Variants in SLC30A7 observed in about 807,000 individuals in gnomAD.
The protein encoded by SLC30A7 is solute carrier family 30 member 7.
Under a neutral mutation model 46.0 loss-of-function variants are expected in SLC30A7, and 35 were observed. The ratio of observed to expected loss-of-function variants is 0.76; its 90% CI spans 0.58 to 1.01. SLC30A7 has a LOEUF of 1.01. Ranked by LOEUF, SLC30A7 falls within the 50% of genes least tolerant of loss-of-function variation. The pLI is 0.00. For missense variants in SLC30A7, 464 were observed against 451.1 expected (o/e 1.03, Z -0.26); for synonymous variants, 147 against 157.8 (o/e 0.93, Z 0.51).
chr1:100,932,683 G>A (rs190373418), intron 8 of SLC30A7, among the ~76,000 whole-genome samples: 1 of 152,100 alleles, frequency 6.6e-6, no homozygotes, highest in Non-Finnish European at 1.5e-5. Context: ...AAACTTACTG[G>A]GAGTGTGTTA....
intron 8 of SLC30A7, among the ~76,000 whole-genome samples, chr1:100,953,438 TG>T (rs1655059948): frequency 1.3e-5 from 2 of 152,352 alleles, no homozygotes; most frequent in East Asian, 1.9e-4. Flanking sequence ...GCTACCTGAA[TG>T]GTAATTCATT....
In SLC30A7 at chr1:100,961,872, G is replaced by T; in HGVS notation, c.887G>T (p.Arg296Ile). The change falls in exon 9 of 11, where the codon AGA becomes ATA. Residue 296 changes from arginine to isoleucine, a missense_variant. Physicochemically the swap from Arg to Ile is moderately conservative, Grantham distance 97. Coordinates refer to ENST00000357650, the MANE Select transcript of SLC30A7 (RefSeq NM_133496.5). ...GAATCTGTTGGAATATTAATGCAGA[G>T]AACTCCTCCCCTATTAGAAAATAGT... ...LRESVGILMQ[R>I]TPPLLENSLP... 6.2e-7 allele frequency: 1 copy of T among 1,608,574 alleles called. No individual in the cohort carries two copies. Among genetic ancestry groups the T allele is most frequent in the Non-Finnish European group, 8.5e-7 (1 of 1,176,510 alleles).
chr1:100,966,541 C>T (rs1305387950), intron 10 of SLC30A7, among the ~76,000 whole-genome samples: 3 of 149,404 alleles, frequency 2.0e-5, no homozygotes, highest in East Asian at 4.1e-4. Context: ...GCCAAGATCA[C>T]GGCCACTGCA....
At chr1:100,974,181 G>A (rs954654456) in intron 10 of SLC30A7, among the ~76,000 whole-genome samples, 6 of 152,132 alleles carry the variant, frequency 3.9e-5, no homozygotes, top group African/African-American at 1.4e-4. Flanking sequence ...TGGGCTTTTA[G>A]TGCAACTATC....
chr1:100,942,024 T>C, intron 8 of SLC30A7: 1 of 232,890 alleles, frequency 4.3e-6, no homozygotes, highest in Non-Finnish European at 8.5e-6. Context: ...ATTTTAACAA[T>C]GCCTCCTTGA....
chr1:100,977,483 T>C lies in SLC30A7; in HGVS notation c.*2626T>C, dbSNP rs1656606839. 6.6e-6 allele frequency: 1 copy of C among 152,208 alleles called. No homozygotes were observed. 9.4% of individuals were successfully genotyped at this position (152,208 alleles called of 1,614,324 possible). A position where few individuals can be genotyped will look rare whatever the true frequency, so the allele number is the denominator to read the frequency against. On this transcript the variant is annotated 3_prime_UTR_variant, in exon 11 of 11. Transcript: ENST00000357650. ...GAAATATTTTGTCTTATTAGTGTTCTTGGCACATGTATATTACTAAAGTAG... is the reference window on the plus strand; with the variant it reads ...GAAATATTTTGTCTTATTAGTGTTCCTGGCACATGTATATTACTAAAGTAG...
intron 8 of SLC30A7, among the ~76,000 whole-genome samples, chr1:100,932,391 C>T (rs750315010): frequency 9.0e-4 from 137 of 151,784 alleles, no homozygotes; most frequent in Admixed American, 1.1e-3. Context: ...CTTCAGCCTG[C>T]GTGACAGAGC....
At position 100,913,711 on chromosome 1, in the gene SLC30A7, A is replaced by G. The variant is rs746034267; in HGVS notation, c.560A>G (p.His187Arg). The G allele has an allele frequency of 8.1e-6, 13 of 1,613,976 alleles. No individual in the cohort carries two copies. The highest frequency in any genetic ancestry group is 1.1e-5 in the South Asian group (1 of 91,074). ...SLFNGALDQA[H>R]GHVDHCHSHE... ...TTTAATGGTGCTCTAGATCAGGCAC[A>G]TGGCCATGTCGATCATTGCCATAGC... is the stretch of plus-strand genomic sequence containing the variant. Residue 187 changes from histidine to arginine, a missense_variant, in exon 6 of 11, where the codon CAT (histidine) becomes CGT (arginine). Physicochemically the swap from His to Arg is conservative, Grantham distance 29. Coordinates refer to ENST00000357650, the MANE Select transcript of SLC30A7 (RefSeq NM_133496.5).
rs897734771 is a variant in SLC30A7, at chr1:100,965,854, TAA to T, written c.1020_1021del (p.Leu340PhefsTer5). The T allele has an allele frequency of 1.2e-6, 2 of 1,613,846 alleles. No individual in the cohort carries two copies. The highest frequency in any genetic ancestry group is 1.7e-5 in the Admixed American group (1 of 60,000). ...GACGTTTATGTTGGGACCTTGAAAT[TAA>T]TAGTAGCACCTGATGCTGATGCTAG... is the stretch of plus-strand genomic sequence containing the variant. On this transcript the variant is annotated frameshift_variant, in exon 10 of 11. Coordinates refer to ENST00000357650, the MANE Select transcript of SLC30A7 (RefSeq NM_133496.5). LOFTEE classifies it high-confidence loss of function.
intron 2 of SLC30A7, among the ~76,000 whole-genome samples, chr1:100,900,483 C>A (rs570728699): frequency 6.6e-6 from 1 of 152,242 alleles, no homozygotes; most frequent in East Asian, 1.9e-4. Flanking sequence ...TTTCATATAT[C>A]TTAGTCTTTT....
chr1:100,904,278 C>T (rs1651500212), intron 2 of SLC30A7, among the ~76,000 whole-genome samples: 1 of 152,180 alleles, frequency 6.6e-6, no homozygotes, highest in Non-Finnish European at 1.5e-5. Context: ...GGATTTCTTT[C>T]CTCAGCTGTG....
intron 8 of SLC30A7, among the ~76,000 whole-genome samples, chr1:100,946,673 T>C (rs1654657768): frequency 6.6e-6 from 1 of 152,220 alleles, no homozygotes; most frequent in Admixed American, 6.5e-5. Context: ...GATGTGCTGC[T>C]GGATTTGGTT....
At chr1:100,906,831 A>T (rs1265282457) in intron 2 of SLC30A7, 21 bp from the exon 3 acceptor site, 3 of 1,506,780 alleles carry the variant, frequency 2.0e-6, no homozygotes, top group Non-Finnish European at 2.8e-6. Context: ...ATAATTTGTC[A>T]ATGTGTTTGT....
At chr1:100,954,290 A>T (rs773326840) in intron 8 of SLC30A7, among the ~76,000 whole-genome samples, 21 of 152,216 alleles carry the variant, frequency 1.4e-4, no homozygotes, top group Non-Finnish European at 2.5e-4. Flanking sequence ...TTACCTATGT[A>T]TAACAAAGAA....
At chr1:100,987,879 C>T in the SLC30A7 span, among the ~76,000 whole-genome samples, 2 of 152,108 alleles carry the variant, frequency 1.3e-5, no homozygotes, top group Non-Finnish European at 2.9e-5. Flanking sequence ...TTAGTTTTAG[C>T]ATAAATCTTT....
chr1:100,905,454 ACT>A (rs1449159457), intron 2 of SLC30A7, among the ~76,000 whole-genome samples: 1 of 150,946 alleles, frequency 6.6e-6, no homozygotes, highest in African/African-American at 2.4e-5. Context: ...ATTTCAGAAA[ACT>A]CTGAAACATT....
At chr1:100,918,948 A>C (rs1652767271) in intron 7 of SLC30A7, among the ~76,000 whole-genome samples, 1 of 152,188 alleles carries the variant, frequency 6.6e-6, no homozygotes, top group African/African-American at 2.4e-5. Flanking sequence ...CTGCTTTCAC[A>C]CCATCATGAA....
chr1:100,965,302 C>G (rs936107628), intron 9 of SLC30A7, among the ~76,000 whole-genome samples: 1 of 152,176 alleles, frequency 6.6e-6, no homozygotes, highest in African/African-American at 2.4e-5. Flanking sequence ...TTCAGCTCCT[C>G]CAGATCAATA....
At chr1:100,915,214 TTTC>T (rs1197126598) in intron 6 of SLC30A7, among the ~76,000 whole-genome samples, 9 of 140,938 alleles carry the variant, frequency 6.4e-5, no homozygotes, top group African/African-American at 1.3e-4. Context: ...TCTTTCTTTC[TTTC>T]TTTCTTTCTT....
Sources: allele counts gnomAD v4.1 joint callset (sites outside exome capture counted in the v4.1 genomes callset), GRCh38; gene constraint gnomAD v4.1.1; transcripts MANE v1.5; gene names NCBI Gene and HGNC (gene_info 2026-07-23, HGNC 2026-07-21).